The following OR52M1 variants were observed in gnomAD, a reference collection of about 807,000 sequenced individuals.
OR52M1 encodes the protein olfactory receptor family 52 subfamily M member 1.
Under a neutral mutation model 1.3 loss-of-function variants are expected in OR52M1, and 2 were observed. The ratio of observed to expected loss-of-function variants is 1.59; its 90% confidence interval spans 0.65 to 5.01. The LOEUF is 5.01. OR52M1 is among the 30% of genes most tolerant of loss of function. The probability of loss-of-function intolerance (pLI) is 0.06; values close to 1 mark genes in which losing one functional copy is unlikely to be tolerated. For missense variants in OR52M1, 585 were observed against 403.7 expected, an observed-to-expected ratio of 1.45 and a Z score of -3.85; for synonymous variants, 234 against 151.4, an observed-to-expected ratio of 1.55 and a Z score of -4.01.
At position 4,545,924 on chromosome 11, in the gene OR52M1, C is replaced by T. The variant is rs757850649; in HGVS notation, c.734C>T (p.Ala245Val). Residue 245 changes from alanine (A) to valine (V), a missense_variant, in exon 1 of 1, where the codon GCT becomes GTT. Ala to Val is a moderately conservative substitution (Grantham distance 64). Transcript: ENST00000360213. ...EARLKTLGTCASHLCAILIFY... is the reference protein window; with the variant it reads ...EARLKTLGTCVSHLCAILIFY... ...AGGCTTAAAACCCTGGGGACATGCG[C>T]TTCTCACCTCTGTGCCATCCTGATC... 125 of 1,613,812 alleles carry T rather than the reference C, an allele frequency of 7.7e-5. No homozygotes were observed. The East Asian group carries it at 1.7e-3, about 22-fold the overall frequency.
Position 4,545,951 on chromosome 11 carries a change from T to C in OR52M1, c.761T>C (p.Phe254Ser). ...TCTCACCTCTGTGCCATCCTGATCT[T>C]TTATGTTCCCATTGCTGTTTCTTCC... is the stretch of plus-strand genomic sequence containing the variant. ...CASHLCAILI[F>S]YVPIAVSSLI... Residue 254 changes from phenylalanine (F) to serine (S), a missense_variant, in exon 1 of 1, where the codon TTT becomes TCT. Coordinates refer to ENST00000360213, the MANE Select transcript of OR52M1 (RefSeq NM_001004137.1). 6.2e-7 allele frequency: 1 copy of C among 1,614,054 alleles called. No homozygotes were observed. The highest frequency in any genetic ancestry group is 1.7e-4 in the Middle Eastern group (1 of 6,060).
chr11:4,545,636 T>G lies in OR52M1; in HGVS notation c.446T>G (p.Val149Gly). 1 of 1,613,644 alleles carries G rather than the reference T, an allele frequency of 6.2e-7. No individual in the cohort carries two copies. The highest frequency in any genetic ancestry group is 8.5e-7 in the Non-Finnish European group (1 of 1,179,826). Residue 149 changes from valine (V) to glycine (G), a missense_variant, in exon 1 of 1, where the codon GTT (valine) becomes GGT (glycine). Transcript: ENST00000360213. ...TYTVVGRLGLVSLLRGVLYIG... is the reference protein window; with the variant it reads ...TYTVVGRLGLGSLLRGVLYIG... ...ACAGTGGTGGGTCGTTTGGGGCTTG[T>G]TTCTCTCCTCCGGGGTGTTCTCTAC...
rs781407311 is a variant in OR52M1 at position 4,546,090 on chromosome 11, G to A, written c.900G>A (p.Lys300=). 85 of 1,612,764 alleles carry A rather than the reference G, an allele frequency of 5.3e-5. 1 individual carries two copies. Among genetic ancestry groups the A allele is most frequent in the Middle Eastern group, 4.9e-4 (3 of 6,078 alleles). ...CCATTGTCTATGCTGTTCGCACCAA[G>A]CAGATCCGAGAGAGCCTTCTCCAAA... ...LNPIVYAVRT[K]QIRESLLQIP... Residue 300 remains lysine, a synonymous_variant, in exon 1 of 1, where the codon AAG becomes AAA. Transcript: ENST00000360213.
In OR52M1 at chr11:4,545,273, G is replaced by A. The variant is rs1297697822; in HGVS notation, c.83G>A (p.Trp28Ter). Residue 28 changes from tryptophan to a stop codon, truncating the protein, a stop_gained, in exon 1 of 1, where the codon TGG becomes TAG. Coordinates refer to ENST00000360213, the MANE Select transcript of OR52M1 (RefSeq NM_001004137.1). LOFTEE classifies it high-confidence loss of function. ...GIPGLESLHV[W>*]LSIPFGSMYL... ...CCAGGGCTGGAGTCCCTACACGTCT[G>A]GCTCTCCATCCCCTTTGGCTCCATG... 3 of 1,613,974 alleles carry A rather than the reference G, an allele frequency of 1.9e-6. No homozygotes were observed. The highest frequency in any genetic ancestry group is 1.7e-6 in the Non-Finnish European group (2 of 1,180,000).
In OR52M1 at chr11:4,546,070, G is replaced by C; in HGVS notation, c.880G>C (p.Val294Leu). ...LLIPPILNPI[V>L]YAVRTKQIRE... ...CATTCCTCCAATCCTCAATCCCATT[G>C]TCTATGCTGTTCGCACCAAGCAGAT... Residue 294 changes from valine to leucine, a missense_variant, in exon 1 of 1, where the codon GTC (valine) becomes CTC (leucine). Val to Leu is a conservative substitution (Grantham distance 32). Transcript: ENST00000360213. 6.2e-7 allele frequency: 1 copy of C among 1,613,996 alleles called. No homozygotes were observed. The highest frequency in any genetic ancestry group is 8.5e-7 in the Non-Finnish European group (1 of 1,179,972).
rs759540447 is a variant in OR52M1, at chr11:4,545,380, T to C, written c.190T>C (p.Phe64Leu). ...CAGCCTGCACCAGCCCATGTACTTT[T>C]TCTTGTGCATGTTGGCTGCCATTGA... ...ERSLHQPMYFFLCMLAAIDLV... is the reference protein window; with the variant it reads ...ERSLHQPMYFLLCMLAAIDLV... The change falls in exon 1 of 1, where the codon TTC (phenylalanine) becomes CTC (leucine). Residue 64 changes from phenylalanine (F) to leucine (L), a missense_variant. By Grantham distance (22) the Phe-to-Leu change is conservative. Transcript: ENST00000360213. 5.0e-6 allele frequency: 8 copies of C among 1,614,032 alleles called. No individual in the cohort carries two copies. In the African/African-American group the frequency reaches 5.3e-5, roughly 11 times the overall value.
In OR52M1 at chr11:4,546,136, A is replaced by G; in HGVS notation, c.946A>G (p.Ile316Val). 6.4e-7 allele frequency: 1 copy of G among 1,564,448 alleles called. No homozygotes were observed. Among genetic ancestry groups the G allele is most frequent in the Non-Finnish European group, 8.7e-7 (1 of 1,144,858 alleles). ...CCAAATACCAAGGATAGAAATGAAG[A>G]TTAGATGATTACTATTTTCTTCTCT... ...LLQIPRIEMK[I>V]R The change falls in exon 1 of 1, where the codon ATT (isoleucine) becomes GTT (valine). Residue 316 changes from isoleucine (I) to valine (V), a missense_variant. Coordinates refer to ENST00000360213, the MANE Select transcript of OR52M1 (RefSeq NM_001004137.1).
Position 4,545,581 on chromosome 11 carries a change from C to CCACTA in OR52M1, c.393_397dup (p.Arg133HisfsTer33). The CCACTA allele has an allele frequency of 6.2e-7, 1 of 1,612,576 alleles. No homozygotes were observed. The highest frequency in any genetic ancestry group is 8.5e-7 in the Non-Finnish European group (1 of 1,179,260). ...TGATCGCTACGTGGCCATCTGCAAC[C>CCACTA]CACTACGTCATAGCATGGTGCTCAC... On this transcript the variant is annotated frameshift_variant, in exon 1 of 1. Coordinates refer to ENST00000360213, the MANE Select transcript of OR52M1 (RefSeq NM_001004137.1). LOFTEE classifies it low-confidence loss of function (END_TRUNC).
Position 4,545,948 on chromosome 11 carries a change from T to C in OR52M1, c.758T>C (p.Ile253Thr). 7.4e-6 allele frequency: 12 copies of C among 1,614,088 alleles called. No homozygotes were observed. Among genetic ancestry groups the C allele is most frequent in the Non-Finnish European group, 1.0e-5 (12 of 1,180,008 alleles). ...GCTTCTCACCTCTGTGCCATCCTGATCTTTTATGTTCCCATTGCTGTTTCT... is the reference window on the plus strand; with the variant it reads ...GCTTCTCACCTCTGTGCCATCCTGACCTTTTATGTTCCCATTGCTGTTTCT... ...TCASHLCAIL[I>T]FYVPIAVSSL... Residue 253 changes from isoleucine to threonine, a missense_variant, in exon 1 of 1, where the codon ATC becomes ACC. Ile to Thr is a moderately conservative substitution (Grantham distance 89). Coordinates refer to ENST00000360213, the MANE Select transcript of OR52M1 (RefSeq NM_001004137.1).
Position 4,545,968 on chromosome 11 carries a change from G to T in OR52M1, c.778G>T (p.Val260Phe), listed in dbSNP as rs367731643. 1 of 1,613,930 alleles carries T rather than the reference G, an allele frequency of 6.2e-7. No homozygotes were observed. The highest frequency in any genetic ancestry group is 1.3e-5 in the African/African-American group (1 of 74,870). ...AILIFYVPIA[V>F]SSLIHRFGQC... ...CCTGATCTTTTATGTTCCCATTGCT[G>T]TTTCTTCCCTGATTCACCGATTTGG... The change falls in exon 1 of 1, where the codon GTT (valine) becomes TTT (phenylalanine). Residue 260 changes from valine to phenylalanine, a missense_variant. Coordinates refer to ENST00000360213, the MANE Select transcript of OR52M1 (RefSeq NM_001004137.1).
rs145064459 is a variant in OR52M1 at position 4,545,928 on chromosome 11, T to TCA, written c.740_741dup (p.Leu248ThrfsTer6). The TCA allele has an allele frequency of 1.4e-3, 2,320 of 1,614,082 alleles. 26 individuals carry two copies. In the African/African-American group the frequency reaches 0.027, roughly 19 times the overall value. On this transcript the variant is annotated frameshift_variant, in exon 1 of 1. Transcript: ENST00000360213. LOFTEE classifies it high-confidence loss of function. ...TTAAAACCCTGGGGACATGCGCTTC[T>TCA]CACCTCTGTGCCATCCTGATCTTTT... is the stretch of plus-strand genomic sequence containing the variant.
chr11:4,545,716 G>C lies in OR52M1; in HGVS notation c.526G>C (p.Val176Leu), dbSNP rs1422027159. Residue 176 changes from valine to leucine, a missense_variant, in exon 1 of 1, where the codon GTT becomes CTT. By Grantham distance (32) the Val-to-Leu change is conservative. Transcript: ENST00000360213. ...RLRLPLYKTH[V>L]ISHSYCEHMA... is the part of the protein sequence containing the mutation. ...GCGGCTGCCCCTTTATAAAACCCAT[G>C]TTATCTCCCACTCCTACTGTGAGCA... is the stretch of plus-strand genomic sequence containing the variant. 6.2e-7 allele frequency: 1 copy of C among 1,613,648 alleles called. No homozygotes were observed. The highest frequency in any genetic ancestry group is 1.3e-5 in the African/African-American group (1 of 74,902).
In OR52M1 at chr11:4,546,002, T is replaced by C; in HGVS notation, c.812T>C (p.Val271Ala). Residue 271 changes from valine to alanine, a missense_variant, in exon 1 of 1, where the codon GTG becomes GCG. Physicochemically the swap from Val to Ala is moderately conservative, Grantham distance 64. Coordinates refer to ENST00000360213, the MANE Select transcript of OR52M1 (RefSeq NM_001004137.1). ...CTGATTCACCGATTTGGTCAGTGTG[T>C]GCCTCCTCCAGTCCACACTCTGCTG... ...SSLIHRFGQC[V>A]PPPVHTLLAN... The C allele has an allele frequency of 4.3e-6, 7 of 1,614,058 alleles. No homozygotes were observed. Among genetic ancestry groups the C allele is most frequent in the Non-Finnish European group, 5.9e-6 (7 of 1,179,978 alleles).
Position 4,545,711 on chromosome 11 carries a change from C to T in OR52M1, c.521C>T (p.Thr174Ile), listed in dbSNP as rs552361140. 8 of 1,613,530 alleles carry T rather than the reference C, an allele frequency of 5.0e-6. No homozygotes were observed. The South Asian group carries it at 6.6e-5, about 13-fold the overall frequency. Reference protein sequence around the residue: ...MIRLRLPLYKTHVISHSYCEH... With the variant: ...MIRLRLPLYKIHVISHSYCEH... Reference sequence around the variant, plus strand: ...CGCCTGCGGCTGCCCCTTTATAAAACCCATGTTATCTCCCACTCCTACTGT... The same window carrying T: ...CGCCTGCGGCTGCCCCTTTATAAAATCCATGTTATCTCCCACTCCTACTGT... Residue 174 changes from threonine to isoleucine, a missense_variant, in exon 1 of 1, where the codon ACC becomes ATC. Physicochemically the swap from Thr to Ile is moderately conservative, Grantham distance 89. Coordinates refer to ENST00000360213, the MANE Select transcript of OR52M1 (RefSeq NM_001004137.1).
Position 4,545,420 on chromosome 11 carries a change from C to A in OR52M1, c.230C>A (p.Thr77Asn). Residue 77 changes from threonine (T) to asparagine (N), a missense_variant, in exon 1 of 1, where the codon ACT becomes AAT. Transcript: ENST00000360213. ...GCTGCCATTGACCTGGTTCTGTCTA[C>A]TTCCACTATACCCAAACTTCTGGGA... ...MLAAIDLVLS[T>N]STIPKLLGIF... 6.2e-7 allele frequency: 1 copy of A among 1,614,206 alleles called. No individual in the cohort carries two copies. The highest frequency in any genetic ancestry group is 1.1e-5 in the South Asian group (1 of 91,080).
In OR52M1 at chr11:4,546,043, C is replaced by T. The variant is rs1431449369; in HGVS notation, c.853C>T (p.Leu285Phe). ...CACTCTGCTGGCCAACTTCTATCTC[C>T]TCATTCCTCCAATCCTCAATCCCAT... ...VHTLLANFYLLIPPILNPIVY... is the reference protein window; with the variant it reads ...VHTLLANFYLFIPPILNPIVY... Residue 285 changes from leucine to phenylalanine, a missense_variant, in exon 1 of 1, where the codon CTC (leucine) becomes TTC (phenylalanine). Transcript: ENST00000360213. The T allele has an allele frequency of 1.2e-6, 2 of 1,614,082 alleles. No individual in the cohort carries two copies. Among genetic ancestry groups the T allele is most frequent in the Middle Eastern group, 1.6e-4 (1 of 6,062 alleles).
Position 4,545,301 on chromosome 11 carries a change from C to A in OR52M1, c.111C>A (p.Tyr37Ter). 3 of 1,614,098 alleles carry A rather than the reference C, an allele frequency of 1.9e-6. No individual in the cohort carries two copies. Among genetic ancestry groups the A allele is most frequent in the Non-Finnish European group, 1.7e-6 (2 of 1,179,958 alleles). ...TCTCCATCCCCTTTGGCTCCATGTA[C>A]CTGGTGGCTGTGGTGGGGAATGTGA... ...VWLSIPFGSMYLVAVVGNVTI... is the reference protein window; with the variant it reads ...VWLSIPFGSM Residue 37 changes from tyrosine to a stop codon, truncating the protein, a stop_gained, in exon 1 of 1, where the codon TAC becomes TAA. Transcript: ENST00000360213. LOFTEE classifies it high-confidence loss of function.
In OR52M1 at chr11:4,545,361, G is replaced by T. The variant is rs375320883; in HGVS notation, c.171G>T (p.Leu57=). 1.2e-6 allele frequency: 2 copies of T among 1,614,122 alleles called. No homozygotes were observed. The highest frequency in any genetic ancestry group is 1.7e-6 in the Non-Finnish European group (2 of 1,179,980). ...ILAVVKIERS[L]HQPMYFFLCM... ...CTGTGGTAAAGATAGAACGCAGCCTGCACCAGCCCATGTACTTTTTCTTGT... is the reference window on the plus strand; with the variant it reads ...CTGTGGTAAAGATAGAACGCAGCCTTCACCAGCCCATGTACTTTTTCTTGT... The change falls in exon 1 of 1, where the codon CTG becomes CTT. Residue 57 remains leucine, a synonymous_variant. Transcript: ENST00000360213.
Position 4,545,639 on chromosome 11 carries a change from C to G in OR52M1, c.449C>G (p.Ser150Cys). 2.5e-6 allele frequency: 4 copies of G among 1,613,616 alleles called. No homozygotes were observed. Among genetic ancestry groups the G allele is most frequent in the Non-Finnish European group, 3.4e-6 (4 of 1,179,804 alleles). ...YTVVGRLGLV[S>C]LLRGVLYIGP... is the part of the protein sequence containing the mutation. ...GTGGTGGGTCGTTTGGGGCTTGTTTCTCTCCTCCGGGGTGTTCTCTACATT... is the reference window on the plus strand; with the variant it reads ...GTGGTGGGTCGTTTGGGGCTTGTTTGTCTCCTCCGGGGTGTTCTCTACATT... Residue 150 changes from serine to cysteine, a missense_variant, in exon 1 of 1, where the codon TCT (serine) becomes TGT (cysteine). Ser to Cys is a moderately radical substitution (Grantham distance 112). Coordinates refer to ENST00000360213, the MANE Select transcript of OR52M1 (RefSeq NM_001004137.1).
Sources: allele counts gnomAD v4.1 joint callset, GRCh38; gene constraint gnomAD v4.1.1; transcripts MANE v1.5; gene names NCBI Gene and HGNC (gene_info 2026-07-23, HGNC 2026-07-21).